Variants in RBFOX1 observed in about 807,000 individuals in gnomAD.
The protein encoded by RBFOX1 is RNA binding protein fox-1 homolog 1.
A neutral mutation model predicts 57.7 loss-of-function variants in RBFOX1; 8 were observed. The ratio of observed to expected loss-of-function variants is 0.14; its 90% CI spans 0.08 to 0.25. The LOEUF (loss-of-function observed/expected upper bound fraction) is 0.25. RBFOX1 is among the 10% of genes least tolerant of loss of function. The pLI, the probability that RBFOX1 is intolerant of heterozygous loss-of-function variation, is 1.00. For synonymous variants in RBFOX1, 326 were observed against 222.4 expected (o/e 1.47, Z -4.15); for missense variants, 611 against 548.5 (o/e 1.11, Z -1.14).
intron 13 of RBFOX1, 133 bp from the exon 14 acceptor site, chr16:7,676,641 T>C: frequency 1.3e-6 from 1 of 754,220 alleles, no homozygotes; most frequent in Non-Finnish European, 2.3e-6. Context: ...TTCGCTTTGA[T>C]ACTAAGCTTT....
chr16:7,182,171 C>A (rs1026206700), intron 4 of RBFOX1, among the ~76,000 whole-genome samples: 2 of 152,084 alleles, frequency 1.3e-5, no homozygotes, highest in African/African-American at 2.4e-5. Context: ...ACCTAGTTAC[C>A]TTTTAGGGTC....
rs371294036 is a variant in RBFOX1, at chr16:5,607,751, T to C, written c.318+8790T>C. 5.9e-5 allele frequency among the ~76,000 whole-genome samples: 9 copies of C among 152,336 alleles called. No homozygotes were observed. The East Asian group carries it at 1.2e-3, about 20-fold the overall frequency. On this transcript the variant is annotated intron_variant, in intron 3 of 19. Coordinates refer to the RBFOX1 transcript ENST00000641259. ...GAGGTCACTGCCTTTCCAATTCCACTGGGCTCATTTCTGAAATCTCTATAA... is the reference window on the plus strand; with the variant it reads ...GAGGTCACTGCCTTTCCAATTCCACCGGGCTCATTTCTGAAATCTCTATAA...
intron 4 of RBFOX1, among the ~76,000 whole-genome samples, chr16:7,054,823 T>G (rs1213160174): frequency 6.6e-6 from 1 of 152,186 alleles, no homozygotes; most frequent in East Asian, 1.9e-4. Context: ...GGGTCCTTCA[T>G]TAGTGCATTC....
intron 1 of RBFOX1, among the ~76,000 whole-genome samples, chr16:5,368,358 A>T (rs2065776950): frequency 1.3e-5 from 2 of 152,172 alleles, no homozygotes; most frequent in Admixed American, 6.5e-5. Context: ...ATTAATGTTG[A>T]TGAGAATTGC....
chr16:6,380,095 C>T (rs963794960), intron 2 of RBFOX1, among the ~76,000 whole-genome samples: 1 of 152,056 alleles, frequency 6.6e-6, no homozygotes, highest in Non-Finnish European at 1.5e-5. Context: ...CATTTATTTT[C>T]TCCTCTGAGG....
rs1014101542 is a variant in RBFOX1 at position 6,432,574 on chromosome 16, G to C, written c.-64+115517G>C. 2.6e-5 allele frequency among the ~76,000 whole-genome samples: 4 copies of C among 151,856 alleles called. No homozygotes were observed. The South Asian group carries it at 8.3e-4, about 32-fold the overall frequency. The stretch of plus-strand genomic sequence containing the variant: ...GCGGATACCTGTAATCCCAGCTTCT[G>C]GGGAGGCTGAGGCACAAGAATTGCC... On this transcript the variant is annotated intron_variant, in intron 2 of 15. Coordinates refer to ENST00000550418, the MANE Select transcript of RBFOX1 (RefSeq NM_018723.4).
intron 1 of RBFOX1, among the ~76,000 whole-genome samples, chr16:6,302,626 A>C (rs1252696380): frequency 6.6e-6 from 1 of 152,040 alleles, no homozygotes; most frequent in East Asian, 1.9e-4. Context: ...AAGCTTGTTG[A>C]TTTTCCTCTT....
intron 4 of RBFOX1, among the ~76,000 whole-genome samples, chr16:7,473,710 A>G (rs2062030236): frequency 6.6e-6 from 1 of 152,062 alleles, no homozygotes; most frequent in East Asian, 1.9e-4. Flanking sequence ...ATCAAAGAGT[A>G]GTTTCTTCTG....
intron 1 of RBFOX1, among the ~76,000 whole-genome samples, chr16:6,132,486 G>T (rs1229992794): frequency 6.6e-6 from 1 of 152,118 alleles, no homozygotes; most frequent in Non-Finnish European, 1.5e-5. Flanking sequence ...TTCATTTATC[G>T]AAGTCTTGGA....
intron 3 of RBFOX1, among the ~76,000 whole-genome samples, chr16:6,700,998 C>G (rs2061739341): frequency 6.6e-6 from 1 of 151,614 alleles, no homozygotes; most frequent in African/African-American, 2.4e-5. Flanking sequence ...GGGATCCATA[C>G]CAGTAAAAGA....
At chr16:5,620,489 G>A (rs2048170440) in intron 3 of RBFOX1, among the ~76,000 whole-genome samples, 1 of 152,114 alleles carries the variant, frequency 6.6e-6, no homozygotes, top group African/African-American at 2.4e-5. Context: ...TCATAGTTCT[G>A]GAGGCCAGAA....
At chr16:6,447,124 A>G (rs1479873375) in intron 2 of RBFOX1, among the ~76,000 whole-genome samples, 1 of 152,214 alleles carries the variant, frequency 6.6e-6, no homozygotes, top group Non-Finnish European at 1.5e-5. Context: ...AAATTCATTC[A>G]TTAAAAGTTC....
chr16:5,712,761 A>G (rs1356346812), intron 3 of RBFOX1, among the ~76,000 whole-genome samples: 1 of 152,186 alleles, frequency 6.6e-6, no homozygotes, highest in East Asian at 1.9e-4. Context: ...TGGTTAGATG[A>G]TCTGAAGAAA....
intron 3 of RBFOX1, among the ~76,000 whole-genome samples, chr16:6,933,300 T>A (rs2076853762): frequency 6.6e-6 from 1 of 152,236 alleles, no homozygotes; most frequent in East Asian, 1.9e-4. Context: ...TTATTTATTT[T>A]TTAGTAACCG....
At chr16:7,370,109 C>A (rs902213982) in intron 4 of RBFOX1, among the ~76,000 whole-genome samples, 1 of 152,164 alleles carries the variant, frequency 6.6e-6, no homozygotes, top group Non-Finnish European at 1.5e-5. Context: ...GAAGGGTTTC[C>A]CTGTGTACTG....
intron 2 of RBFOX1, 63 bp downstream of exon 2, chr16:6,317,120 C>G: frequency 1.4e-6 from 2 of 1,415,254 alleles, no homozygotes; most frequent in East Asian, 2.5e-5. Context: ...ATCCTGTTCT[C>G]TCTGAAAAGC....
At chr16:6,990,665 G>A (rs575889170) in intron 3 of RBFOX1, among the ~76,000 whole-genome samples, 1 of 152,014 alleles carries the variant, frequency 6.6e-6, no homozygotes, top group Non-Finnish European at 1.5e-5. Context: ...ACTTTCAAAG[G>A]CAAAAGCCGT....
chr16:5,674,589 G>A (rs928747040), intron 3 of RBFOX1, among the ~76,000 whole-genome samples: 1 of 152,180 alleles, frequency 6.6e-6, no homozygotes, highest in Non-Finnish European at 1.5e-5. Flanking sequence ...GTTTAGAATT[G>A]GAAGCATCTC....
At chr16:6,076,801 T>C (rs1292666183) in intron 1 of RBFOX1, among the ~76,000 whole-genome samples, 1 of 152,152 alleles carries the variant, frequency 6.6e-6, no homozygotes, top group Non-Finnish European at 1.5e-5. Flanking sequence ...TCTAAAGGGT[T>C]CTTGGTAAAG....
Sources: gnomAD v4.1 joint callset for allele counts (sites outside exome capture counted in the v4.1 genomes callset) on GRCh38, gnomAD v4.1.1 for gene constraint, MANE v1.5 for transcripts, NCBI Gene and HGNC (gene_info 2026-07-23, HGNC 2026-07-21) for gene names.